Variants in PCDHA10 observed in about 807,000 individuals in gnomAD.
PCDHA10 encodes the protein protocadherin alpha-10.
In PCDHA10, 45 loss-of-function variants were observed where a neutral mutation model predicts 61.2. That is an observed-to-expected ratio of 0.74 (90% confidence interval 0.58 to 0.94). The LOEUF is 0.94. Among genes scored for constraint, PCDHA10 ranks in the 40% least tolerant of loss-of-function variants. PCDHA10 has a pLI of 0.00. For missense variants in PCDHA10, 1,278 were observed against 1,236.2 expected (o/e 1.03, Z -0.51); for synonymous variants, 602 against 548.8 (o/e 1.10, Z -1.35).
intron 1 of PCDHA10, among the ~76,000 whole-genome samples, chr5:140,972,667 T>G (rs1442293512): frequency 1.3e-5 from 2 of 149,086 alleles, no homozygotes; most frequent in East Asian, 3.9e-4. Context: ...CAAATTTTTT[T>G]TTTTTTTTTT....
At chr5:140,963,204 A>G (rs2095745825) in intron 1 of PCDHA10, among the ~76,000 whole-genome samples, 1 of 152,104 alleles carries the variant, frequency 6.6e-6, no homozygotes, top group African/African-American at 2.4e-5. Flanking sequence ...ATGAAAAAAA[A>G]AACCTCGTGT....
chr5:140,978,911 T>C, intron 1 of PCDHA10, 38 bp from the exon 2 acceptor site: 1 of 1,613,856 alleles, frequency 6.2e-7, no homozygotes, highest in Non-Finnish European at 8.5e-7. Context: ...AACATTGTCT[T>C]GTCATTTTAA....
chr5:140,928,458 T>C lies in PCDHA10; in HGVS notation c.2389-50491T>C, dbSNP rs1030560254. On this transcript the variant is annotated intron_variant, in intron 1 of 3. Coordinates refer to ENST00000307360, the MANE Select transcript of PCDHA10 (RefSeq NM_018901.4). Reference sequence around the variant, plus strand: ...ACTTTGAGCAGCTCAGGGGGTTTCATTTCCAAGTAGAAGGCCGGGATGGTG... The same window carrying C: ...ACTTTGAGCAGCTCAGGGGGTTTCACTTCCAAGTAGAAGGCCGGGATGGTG... 3.1e-6 allele frequency: 5 copies of C among 1,614,048 alleles called. No homozygotes were observed. In the African/African-American group the frequency reaches 5.3e-5, roughly 17 times the overall value.
intron 1 of PCDHA10, among the ~76,000 whole-genome samples, chr5:140,919,088 T>C (rs2153552205): frequency 6.6e-6 from 1 of 152,378 alleles, no homozygotes; most frequent in South Asian, 2.1e-4. Context: ...TATTGAATTG[T>C]CTATTTCTCC....
In PCDHA10 at chr5:140,858,397, C is replaced by T. The variant is rs781916951; in HGVS notation, c.2349C>T (p.Asp783=). The change falls in exon 1 of 4, where the codon GAC becomes GAT. Residue 783 remains aspartate, a synonymous_variant. Coordinates refer to ENST00000307360, the MANE Select transcript of PCDHA10 (RefSeq NM_018901.4). ...CACCATGCCCAATGGTAGATGTGGA[C>T]GGGGAAGATCAGTCTATTGGAGGGG... is the stretch of plus-strand genomic sequence containing the variant. ...SLPPCPMVDV[D]GEDQSIGGDH... 2.5e-6 allele frequency: 4 copies of T among 1,573,184 alleles called. No individual in the cohort carries two copies. In the South Asian group the frequency reaches 4.5e-5, roughly 18 times the overall value.
chr5:140,965,999 A>T (rs1300275113), intron 1 of PCDHA10, among the ~76,000 whole-genome samples: 1 of 152,140 alleles, frequency 6.6e-6, no homozygotes, highest in Non-Finnish European at 1.5e-5. Context: ...AGTACTTAAG[A>T]GTGTCCAGGG....
At chr5:140,869,211 G>T (rs375218342) in intron 1 of PCDHA10, 2 of 1,613,956 alleles carry the variant, frequency 1.2e-6, no homozygotes, top group Non-Finnish European at 1.7e-6. Context: ...ACTCCGTCTC[G>T]GAGGAGGCCA....
intron 1 of PCDHA10, chr5:140,929,284 A>G: frequency 6.2e-7 from 1 of 1,600,764 alleles, no homozygotes; most frequent in Non-Finnish European, 8.5e-7. Flanking sequence ...CTGTATTCAG[A>G]TTCGGAATAG....
intron 1 of PCDHA10, among the ~76,000 whole-genome samples, chr5:140,949,318 T>C (rs1554218908): frequency 6.6e-6 from 1 of 151,876 alleles, no homozygotes; most frequent in African/African-American, 2.4e-5. Flanking sequence ...GATTTATAAA[T>C]ATAAATTATT....
rs191365735 is a variant in PCDHA10 at position 140,910,066 on chromosome 5, C to T, written c.2388+51630C>T. Among the ~76,000 whole-genome samples the T allele has an allele frequency of 7.2e-5, 11 of 152,234 alleles. No individual in the cohort carries two copies. In the East Asian group the frequency reaches 1.5e-3, roughly 21 times the overall value. On this transcript the variant is annotated intron_variant, in intron 1 of 3. Coordinates refer to ENST00000307360, the MANE Select transcript of PCDHA10 (RefSeq NM_018901.4). ...GTCATAATAAGTGATCTTTTAACAG[C>T]GTAAATTGTTGTCAAGGGGAACCAG...
In PCDHA10 at chr5:140,884,002, C is replaced by G. The variant is rs1189374158; in HGVS notation, c.2388+25566C>G. 26 of 1,612,788 alleles carry G rather than the reference C, an allele frequency of 1.6e-5. No individual in the cohort carries two copies. Among genetic ancestry groups the G allele is most frequent in the Non-Finnish European group, 2.2e-5 (26 of 1,179,570 alleles). Reference sequence around the variant, plus strand: ...CTGGCAGCGCGGGAGGCACAGTGAGCGAGCTGATGCCGCGGTCGGTGGGTG... The same window carrying G: ...CTGGCAGCGCGGGAGGCACAGTGAGGGAGCTGATGCCGCGGTCGGTGGGTG... On this transcript the variant is annotated intron_variant, in intron 1 of 3. Coordinates refer to ENST00000307360, the MANE Select transcript of PCDHA10 (RefSeq NM_018901.4).
intron 1 of PCDHA10, among the ~76,000 whole-genome samples, chr5:140,910,787 T>G (rs566298433): frequency 2.0e-5 from 3 of 152,196 alleles, no homozygotes; most frequent in Non-Finnish European, 4.4e-5. Flanking sequence ...CAACATTAAA[T>G]GCAGAATCCC....
At chr5:140,989,444 T>C (rs2097342711) in intron 3 of PCDHA10, among the ~76,000 whole-genome samples, 1 of 152,130 alleles carries the variant, frequency 6.6e-6, no homozygotes, top group South Asian at 2.1e-4. Context: ...CTGAGGTTGT[T>C]TAGAATTGTT....
intron 1 of PCDHA10, among the ~76,000 whole-genome samples, chr5:140,924,232 G>T (rs1554201826): frequency 6.6e-6 from 1 of 152,180 alleles, no homozygotes; most frequent in African/African-American, 2.4e-5. Flanking sequence ...ATTTTTATGG[G>T]CTGTTTTGCA....
At chr5:140,967,957 C>A in intron 1 of PCDHA10, 1 of 1,614,222 alleles carries the variant, frequency 6.2e-7, no homozygotes, top group Admixed American at 1.7e-5. Context: ...CAGGCCCCAA[C>A]CGGAAAGTGA....
At chr5:140,987,318 A>C (rs148008812) in intron 3 of PCDHA10, among the ~76,000 whole-genome samples, 3,398 of 152,304 alleles carry the variant, frequency 0.022, 70 homozygotes, top group Admixed American at 0.058. Flanking sequence ...TGTACTGTGA[A>C]GTTTTAAGAA....
chr5:140,961,965 C>T (rs1292120191), intron 1 of PCDHA10, among the ~76,000 whole-genome samples: 9 of 151,536 alleles, frequency 5.9e-5, no homozygotes, highest in Non-Finnish European at 8.8e-5. Context: ...CTCACTGCAA[C>T]CTCCGCCTCC....
At chr5:140,917,374 C>T (rs1378508006) in intron 1 of PCDHA10, among the ~76,000 whole-genome samples, 1 of 151,778 alleles carries the variant, frequency 6.6e-6, no homozygotes, top group East Asian at 1.9e-4. Flanking sequence ...CTTGCTCCAC[C>T]TCAATAGTCT....
At chr5:141,001,280 G>T (rs1308036863) in intron 3 of PCDHA10, among the ~76,000 whole-genome samples, 2 of 152,162 alleles carry the variant, frequency 1.3e-5, no homozygotes, top group South Asian at 2.1e-4. Context: ...TTTTTTTACG[G>T]ATGAAAACTG....
Sources: allele counts gnomAD v4.1 joint callset (sites outside exome capture counted in the v4.1 genomes callset), GRCh38; gene constraint gnomAD v4.1.1; transcripts MANE v1.5; gene names NCBI Gene and HGNC (gene_info 2026-07-23, HGNC 2026-07-21).